Variants in ROCK1 observed in about 807,000 individuals in gnomAD.
The protein encoded by ROCK1 is rho-associated protein kinase 1.
Under a neutral mutation model 196.8 loss-of-function variants are expected in ROCK1, and 36 were observed. The observed-to-expected ratio is 0.18, with a 90% CI of 0.14 to 0.24. The LOEUF is 0.24. ROCK1 is among the 10% of genes least tolerant of loss of function. ROCK1 has a pLI of 1.00. For missense variants in ROCK1, 920 were observed against 1,562.0 expected, an observed-to-expected ratio of 0.59 and a Z score of 6.93; for synonymous variants, 443 against 515.9, an observed-to-expected ratio of 0.86 and a Z score of 1.91.
chr18:21,087,957 C>T (rs564729337), intron 1 of ROCK1, among the ~76,000 whole-genome samples: 2 of 152,252 alleles, frequency 1.3e-5, no homozygotes, highest in East Asian at 3.9e-4. Flanking sequence ...AAAATCATAA[C>T]AGAATGTGTT....
chr18:21,057,925 C>A (rs2036257730), intron 2 of ROCK1, among the ~76,000 whole-genome samples: 1 of 152,018 alleles, frequency 6.6e-6, no homozygotes. Context: ...CAATGTGGGA[C>A]CAAGATATCT....
At chr18:20,959,762 AAAAT>A (rs1399154784) in intron 29 of ROCK1, 74 bp downstream of exon 29, 1 of 695,398 alleles carries the variant, frequency 1.4e-6, no homozygotes, top group Non-Finnish European at 2.3e-6. Context: ...CACAAAATAT[AAAAT>A]AAATTTTAAG....
chr18:21,009,088 T>G (rs1333416589), intron 13 of ROCK1, among the ~76,000 whole-genome samples: 3 of 152,030 alleles, frequency 2.0e-5, no homozygotes, highest in African/African-American at 7.2e-5. Context: ...CAACTAATGG[T>G]TCTCCATTTC....
intron 16 of ROCK1, among the ~76,000 whole-genome samples, chr18:21,001,451 T>C (rs1484130500): frequency 1.3e-5 from 2 of 152,182 alleles, no homozygotes; most frequent in South Asian, 4.2e-4. Context: ...TTAAAAAATA[T>C]AGACAGCAAA....
At position 20,996,346 on chromosome 18, in the gene ROCK1, GA is replaced by G. The variant is rs548771563; in HGVS notation, c.1886-3410del. ...AAAAGAAAGTATTAGTGAGCTTGAA[GA>G]CAGACTATTTGAAAATACAGTCATA... On this transcript the variant is annotated intron_variant, in intron 16 of 32. Transcript: ENST00000399799. Among the ~76,000 whole-genome samples, 9 of 152,218 alleles carry G rather than the reference GA, an allele frequency of 5.9e-5. No homozygotes were observed. The South Asian group carries it at 1.9e-3, about 32-fold the overall frequency.
chr18:21,099,429 T>G (rs1366638713), intron 1 of ROCK1, among the ~76,000 whole-genome samples: 1 of 152,146 alleles, frequency 6.6e-6, no homozygotes, highest in East Asian at 1.9e-4. Flanking sequence ...TGAATATATC[T>G]GATATAGTTT....
intron 22 of ROCK1, among the ~76,000 whole-genome samples, chr18:20,976,597 A>G (rs528085374): frequency 6.6e-6 from 1 of 152,318 alleles, no homozygotes; most frequent in Non-Finnish European, 1.5e-5. Flanking sequence ...CCCACTAATT[A>G]CAGCCTAGTT....
At chr18:20,978,172 A>G (rs1257778407) in intron 22 of ROCK1, among the ~76,000 whole-genome samples, 1 of 151,898 alleles carries the variant, frequency 6.6e-6, no homozygotes, top group Non-Finnish European at 1.5e-5. Flanking sequence ...TTTATTTATA[A>G]AACTAGTGAA....
At chr18:21,075,140 G>T (rs1306085618) in intron 1 of ROCK1, among the ~76,000 whole-genome samples, 3 of 152,116 alleles carry the variant, frequency 2.0e-5, no homozygotes, top group Non-Finnish European at 4.4e-5. Flanking sequence ...TGGCATAACT[G>T]GTTTTTATTT....
At chr18:20,998,221 A>C (rs2143420814) in intron 16 of ROCK1, among the ~76,000 whole-genome samples, 1 of 152,344 alleles carries the variant, frequency 6.6e-6, no homozygotes, top group South Asian at 2.1e-4. Flanking sequence ...TGAAGAAATT[A>C]AGAAGAAAAT....
chr18:21,003,231 G>C (rs779830391), intron 16 of ROCK1, among the ~76,000 whole-genome samples: 3 of 151,870 alleles, frequency 2.0e-5, no homozygotes, highest in Non-Finnish European at 4.4e-5. Flanking sequence ...CTCACAGGAC[G>C]AAAAAAACAT....
At chr18:20,982,663 T>A in intron 21 of ROCK1, 100 bp downstream of exon 21, 9 of 594,684 alleles carry the variant, frequency 1.5e-5, no homozygotes, top group Non-Finnish European at 2.1e-5. Context: ...AGATGAAGAG[T>A]CATTTGAAAA....
chr18:20,992,750 C>T (rs2035637394), intron 17 of ROCK1, 81 bp downstream of exon 17: 6 of 787,738 alleles, frequency 7.6e-6, no homozygotes, highest in Non-Finnish European at 1.2e-5. Flanking sequence ...AGAATAAATG[C>T]TATTTTATAA....
intron 13 of ROCK1, 136 bp from the exon 14 acceptor site, chr18:21,008,330 G>C (rs1024467031): frequency 3.4e-6 from 2 of 591,382 alleles, no homozygotes; most frequent in Non-Finnish European, 5.5e-6. Flanking sequence ...TGTTTCAAAC[G>C]CAAATAGTAT....
At chr18:20,972,766 T>C (rs537953646) in intron 22 of ROCK1, among the ~76,000 whole-genome samples, 1 of 152,116 alleles carries the variant, frequency 6.6e-6, no homozygotes, top group Non-Finnish European at 1.5e-5. Flanking sequence ...AATGCAAAAG[T>C]ATGACTGGAG....
intron 1 of ROCK1, among the ~76,000 whole-genome samples, chr18:21,103,806 T>G (rs1270372352): frequency 6.6e-6 from 1 of 152,168 alleles, no homozygotes; most frequent in East Asian, 1.9e-4. Context: ...GTTCTACAAA[T>G]AGGGAAACTG....
Position 21,088,368 on chromosome 18 carries a change from C to T in ROCK1, c.94-17755G>A, listed in dbSNP as rs144427486. 1.8e-4 allele frequency among the ~76,000 whole-genome samples: 27 copies of T among 152,186 alleles called. No individual in the cohort carries two copies. The East Asian group carries it at 4.6e-3, about 26-fold the overall frequency. On this transcript the variant is annotated intron_variant, in intron 1 of 32. Transcript: ENST00000399799. ...AAAATTAGCGGGGCATCGAGGCACA[C>T]GCCTGTGGTCCCAGCTACTCAGGAG...
intron 2 of ROCK1, among the ~76,000 whole-genome samples, chr18:21,066,555 A>T (rs1354342738): frequency 6.6e-6 from 1 of 152,220 alleles, no homozygotes; most frequent in African/African-American, 2.4e-5. Flanking sequence ...TGTAATCATC[A>T]CCACAAAGAG....
At chr18:20,960,463 A>T (rs2035316485) in intron 27 of ROCK1, among the ~76,000 whole-genome samples, 1 of 152,084 alleles carries the variant, frequency 6.6e-6, no homozygotes, top group African/African-American at 2.4e-5. Context: ...AAGTAACAAT[A>T]CCCTTAAGAG....
Sources: allele counts gnomAD v4.1 joint callset (sites outside exome capture counted in the v4.1 genomes callset), GRCh38; gene constraint gnomAD v4.1.1; transcripts MANE v1.5; gene names NCBI Gene and HGNC (gene_info 2026-07-23, HGNC 2026-07-21).